The following NCEH1 variants were observed in gnomAD, a reference collection of about 807,000 sequenced individuals.
The protein encoded by NCEH1 is 2-acetyl MAGE hydrolase.
NCEH1 carries 9 observed loss-of-function variants against 25.4 expected under a neutral mutation model. The observed-to-expected ratio is 0.35, with a 90% CI of 0.21 to 0.62. The LOEUF (loss-of-function observed/expected upper bound fraction) is 0.62, where lower values mean the gene tolerates loss of function less well. NCEH1 is among the 20% of genes least tolerant of loss of function. The pLI is 0.72. For synonymous variants in NCEH1, 200 were observed against 199.8 expected (o/e 1.00, Z -0.01); for missense variants, 412 against 501.1 (o/e 0.82, Z 1.70).
intron 1 of NCEH1, among the ~76,000 whole-genome samples, chr3:172,663,533 G>T (rs148756312): frequency 1.3e-5 from 2 of 152,098 alleles, no homozygotes. Context: ...TTTCTGCCTC[G>T]TTGATCTGTC....
At chr3:172,662,709 C>G (rs560133011) in intron 1 of NCEH1, among the ~76,000 whole-genome samples, 50 of 152,200 alleles carry the variant, frequency 3.3e-4, no homozygotes, top group Non-Finnish European at 4.3e-4. Flanking sequence ...TGTATGTGTC[C>G]AGGAATTTAT....
rs1553830397 is a variant in NCEH1, at chr3:172,653,764, T to TGTTTTTTG, written c.139-5651_139-5650insCAAAAAAC. On this transcript the variant is annotated intron_variant, in intron 1 of 4. Transcript: ENST00000475381. Reference sequence around the variant, plus strand: ...TTTTTGTTTTTTTGTTTTTTTGTTTTTTTTTTTTTTTGAGACAGAGTCTCC... The same window carrying TGTTTTTTG: ...TTTTTGTTTTTTTGTTTTTTTGTTTTGTTTTTTGTTTTTTTTTTTGAGACAGAGTCTCC... 1.5e-4 allele frequency among the ~76,000 whole-genome samples: 7 copies of TGTTTTTTG among 48,190 alleles called. 1 individual carries two copies. The highest frequency in any genetic ancestry group is 4.1e-4 in the African/African-American group (7 of 17,036). 31.6% of individuals were successfully genotyped at this position (48,190 alleles called of 152,430 possible).
chr3:172,688,347 A>AAG (rs1553838019), intron 1 of NCEH1, among the ~76,000 whole-genome samples: 1 of 151,468 alleles, frequency 6.6e-6, no homozygotes, highest in South Asian at 2.1e-4. Context: ...AAAAAAAAAA[A>AAG]AAAAAGAAAA....
At position 172,675,010 on chromosome 3, in the gene NCEH1, T is replaced by C. The variant is rs138849122; in HGVS notation, c.139-26896A>G. On this transcript the variant is annotated intron_variant, in intron 1 of 4. Transcript: ENST00000475381. Reference sequence around the variant, plus strand: ...AAAGGTTATAAAGAAATACATTTTATATAAGAAAGGATTTTGTGGCCAGGT... The same window carrying C: ...AAAGGTTATAAAGAAATACATTTTACATAAGAAAGGATTTTGTGGCCAGGT... Among the ~76,000 whole-genome samples the C allele has an allele frequency of 9.5e-4, 145 of 152,318 alleles. 1 individual carries two copies. In the East Asian group the frequency reaches 0.017, roughly 18 times the overall value.
chr3:172,683,518 G>A (rs1404821957), intron 1 of NCEH1, among the ~76,000 whole-genome samples: 1 of 150,118 alleles, frequency 6.7e-6, no homozygotes, highest in Non-Finnish European at 1.5e-5. Flanking sequence ...AAAAAAAATA[G>A]AATAAAATAA....
At chr3:172,647,782 G>C in intron 2 of NCEH1, 104 bp downstream of exon 2, 1 of 1,475,962 alleles carries the variant, frequency 6.8e-7, no homozygotes, top group Non-Finnish European at 9.2e-7. Context: ...GGGGAACCTA[G>C]ATAAATGGTC....
At chr3:172,649,861 T>C (rs1051877463) in intron 1 of NCEH1, among the ~76,000 whole-genome samples, 1 of 152,230 alleles carries the variant, frequency 6.6e-6, no homozygotes, top group East Asian at 1.9e-4. Flanking sequence ...CCTGGCTCTG[T>C]TATATTATGA....
intron 1 of NCEH1, among the ~76,000 whole-genome samples, chr3:172,709,686 G>A (rs1363186888): frequency 3.3e-5 from 5 of 152,190 alleles, no homozygotes; most frequent in Non-Finnish European, 5.9e-5. Context: ...CACAGATTAT[G>A]TAATCCTACA....
intron 3 of NCEH1, among the ~76,000 whole-genome samples, chr3:172,644,221 A>G (rs76257835): frequency 9.2e-4 from 116 of 126,130 alleles, no homozygotes; most frequent in South Asian, 2.3e-3. Flanking sequence ...AGGGCTTTTG[A>G]GTGACTCTAG....
Position 172,681,395 on chromosome 3 carries a change from A to T in NCEH1, c.138+29452T>A, listed in dbSNP as rs553047266. Among the ~76,000 whole-genome samples the T allele has an allele frequency of 4.6e-5, 7 of 152,154 alleles. No individual in the cohort carries two copies. In the East Asian group the frequency reaches 1.4e-3, roughly 30 times the overall value. On this transcript the variant is annotated intron_variant, in intron 1 of 4. Coordinates refer to ENST00000475381, the MANE Select transcript of NCEH1 (RefSeq NM_020792.6). ...GCAATCAGATCCTGTCTTGCCCCAAATTTTCAAATTTTCATTTTGAACACA... is the reference window on the plus strand; with the variant it reads ...GCAATCAGATCCTGTCTTGCCCCAATTTTTCAAATTTTCATTTTGAACACA...
rs146452697 is a variant in NCEH1 at position 172,633,217 on chromosome 3, A to G, written c.*258T>C. The G allele has an allele frequency of 9.2e-3, 4,094 of 445,390 alleles. 41 individuals carry two copies. Among genetic ancestry groups the G allele is most frequent in the Non-Finnish European group, 0.012 (2,973 of 247,314 alleles). 27.6% of individuals were successfully genotyped at this position (445,390 alleles called of 1,614,324 possible). ...CCTGCTTTCTGTAGCTGTAGGTATC[A>G]GTATAGTTGGCTAAGATAACAAGAA... On this transcript the variant is annotated 3_prime_UTR_variant, in exon 5 of 5. Transcript: ENST00000475381.
intron 1 of NCEH1, among the ~76,000 whole-genome samples, chr3:172,705,473 A>C (rs1713920820): frequency 6.6e-6 from 1 of 152,144 alleles, no homozygotes; most frequent in Admixed American, 6.5e-5. Context: ...GGGTTAAATG[A>C]AGGTTGCCAG....
chr3:172,694,691 G>A (rs771741215), intron 1 of NCEH1, among the ~76,000 whole-genome samples: 1 of 152,102 alleles, frequency 6.6e-6, no homozygotes, highest in Admixed American at 6.5e-5. Context: ...CAGGTTCCTC[G>A]GCTTCTCAGG....
intron 1 of NCEH1, among the ~76,000 whole-genome samples, chr3:172,710,065 G>A (rs187158692): frequency 6.6e-6 from 1 of 152,298 alleles, no homozygotes; most frequent in East Asian, 1.9e-4. Flanking sequence ...ATGAACACAC[G>A]CCCATGATAC....
At chr3:172,697,539 G>GT (rs202195580) in intron 1 of NCEH1, among the ~76,000 whole-genome samples, 304 of 146,836 alleles carry the variant, frequency 2.1e-3, no homozygotes, top group African/African-American at 1.8e-3. Context: ...TTTGTCTCAA[G>GT]TTTTTTTTTT....
chr3:172,656,726 C>T (rs1717714652), intron 1 of NCEH1, among the ~76,000 whole-genome samples: 1 of 152,060 alleles, frequency 6.6e-6, no homozygotes, highest in Non-Finnish European at 1.5e-5. Context: ...AATATTGCAC[C>T]ACTGCACTCC....
In NCEH1 at chr3:172,637,708, G is replaced by A. The variant is rs185226581; in HGVS notation, c.438-1621C>T. Among the ~76,000 whole-genome samples the A allele has an allele frequency of 2.1e-3, 320 of 152,304 alleles. 4 individuals carry two copies. In the South Asian group the frequency reaches 0.021, roughly 10 times the overall value. On this transcript the variant is annotated intron_variant, in intron 3 of 4. Transcript: ENST00000475381. ...GTTCGAGACCAGCCTGACCAACATG[G>A]TGAAAACCCGTTTCTACTAAAAATA...
chr3:172,655,620 C>A (rs1220348548), intron 1 of NCEH1, among the ~76,000 whole-genome samples: 3 of 152,188 alleles, frequency 2.0e-5, no homozygotes, highest in Non-Finnish European at 4.4e-5. Context: ...AGAAAGAGAA[C>A]CCACAAGGTA....
At chr3:172,677,927 C>CA (rs1712114527) in intron 1 of NCEH1, among the ~76,000 whole-genome samples, 1 of 152,132 alleles carries the variant, frequency 6.6e-6, no homozygotes, top group African/African-American at 2.4e-5. Flanking sequence ...GACTCCATCT[C>CA]AAAAAATAAA....
Sources: gnomAD v4.1 joint callset for allele counts (sites outside exome capture counted in the v4.1 genomes callset) on GRCh38, gnomAD v4.1.1 for gene constraint, MANE v1.5 for transcripts, NCBI Gene and HGNC (gene_info 2026-07-23, HGNC 2026-07-21) for gene names.